The following AKAP13 variants were observed in gnomAD, a reference collection of about 807,000 sequenced individuals.
AKAP13 encodes A-kinase anchoring protein 13.
In AKAP13, 80 loss-of-function variants were observed where a neutral mutation model predicts 264.5. The ratio of observed to expected loss-of-function variants is 0.30; its 90% confidence interval spans 0.25 to 0.36. The LOEUF is 0.36. Among genes scored for constraint, AKAP13 ranks in the 10% least tolerant of loss-of-function variants. The pLI is 1.00. For synonymous variants in AKAP13, 1,380 were observed against 1,250.2 expected (o/e 1.10, Z -2.19); for missense variants, 3,712 against 3,435.2 (o/e 1.08, Z -2.01).
At chr15:85,443,675 C>T (rs1053142135) in intron 1 of AKAP13, among the ~76,000 whole-genome samples, 4 of 151,334 alleles carry the variant, frequency 2.6e-5, no homozygotes, top group African/African-American at 7.3e-5. Flanking sequence ...GTCTTATATG[C>T]GGTTCGTGGT....
chr15:85,710,187 C>A (rs1322596346), intron 18 of AKAP13, among the ~76,000 whole-genome samples: 1 of 152,146 alleles, frequency 6.6e-6, no homozygotes, highest in African/African-American at 2.4e-5. Context: ...TCAAAAGATG[C>A]TGCCCTTAAG....
chr15:85,468,638 C>G (rs1196730481), intron 1 of AKAP13, among the ~76,000 whole-genome samples: 1 of 152,146 alleles, frequency 6.6e-6, no homozygotes, highest in Non-Finnish European at 1.5e-5. Context: ...CAAGTAGTTT[C>G]TAATATGAAC....
intron 29 of AKAP13, among the ~76,000 whole-genome samples, 189 bp from the exon 30 acceptor site, chr15:85,730,324 T>G (rs893834060): frequency 2.6e-5 from 4 of 152,182 alleles, no homozygotes; most frequent in African/African-American, 9.7e-5. Context: ...CCAGAATGGT[T>G]TTCCAGATAG....
chr15:85,654,389 T>G (rs2083002712), intron 10 of AKAP13, among the ~76,000 whole-genome samples: 1 of 152,216 alleles, frequency 6.6e-6, no homozygotes, highest in African/African-American at 2.4e-5. Flanking sequence ...TGTTTTCAGT[T>G]AAAGCTTATA....
At chr15:85,510,729 A>G (rs1032294994) in intron 2 of AKAP13, among the ~76,000 whole-genome samples, 1 of 152,222 alleles carries the variant, frequency 6.6e-6, no homozygotes, top group African/African-American at 2.4e-5. Context: ...GTTATTAACA[A>G]TAGGTGGTTA....
intron 8 of AKAP13, among the ~76,000 whole-genome samples, chr15:85,598,163 T>C (rs1400464974): frequency 6.6e-6 from 1 of 152,184 alleles, no homozygotes; most frequent in Non-Finnish European, 1.5e-5. Context: ...TCAAGGGGCC[T>C]GAAGACAATG....
At chr15:85,537,546 T>A (rs777942522) in intron 4 of AKAP13, among the ~76,000 whole-genome samples, 3 of 152,220 alleles carry the variant, frequency 2.0e-5, no homozygotes, top group Non-Finnish European at 4.4e-5. Flanking sequence ...GAAAAAAATG[T>A]TTATAGGTGC....
chr15:85,747,134 G>T lies in AKAP13; in HGVS notation c.*2457G>T, dbSNP rs772752958. On this transcript the variant is annotated 3_prime_UTR_variant, in exon 37 of 37. Coordinates refer to ENST00000394518, the MANE Select transcript of AKAP13 (RefSeq NM_007200.5). ...CAAGTTTAAAATCAAAGTAGTGCCC[G>T]GAATTCCCTCAAACCACCCAACTTC... 6 of 152,146 alleles carry T rather than the reference G, an allele frequency of 3.9e-5. No homozygotes were observed. Among genetic ancestry groups the T allele is most frequent in the Non-Finnish European group, 8.8e-5 (6 of 68,040 alleles). 9.4% of individuals were successfully genotyped at this position (152,146 alleles called of 1,614,324 possible).
intron 1 of AKAP13, among the ~76,000 whole-genome samples, chr15:85,414,693 A>G (rs111231790): frequency 2.0e-5 from 3 of 152,326 alleles, no homozygotes; most frequent in African/African-American, 7.2e-5. Flanking sequence ...CCTGGTGTGG[A>G]TGCATTTCTA....
intron 12 of AKAP13, chr15:85,662,242 T>G: frequency 1.5e-6 from 1 of 674,862 alleles, no homozygotes; most frequent in South Asian, 1.9e-5. Context: ...TTTTAAAAAT[T>G]GTCAGTGTTA....
intron 17 of AKAP13, among the ~76,000 whole-genome samples, chr15:85,698,708 C>G (rs1242545660): frequency 1.3e-5 from 2 of 151,942 alleles, no homozygotes; most frequent in African/African-American, 4.8e-5. Flanking sequence ...CTTTGGGAGG[C>G]CTAGGCAGGT....
At chr15:85,598,696 G>A (rs2079926967) in intron 8 of AKAP13, among the ~76,000 whole-genome samples, 1 of 152,152 alleles carries the variant, frequency 6.6e-6, no homozygotes, top group Non-Finnish European at 1.5e-5. Flanking sequence ...AAGCTCTATT[G>A]GGAGAAACAA....
intron 6 of AKAP13, among the ~76,000 whole-genome samples, chr15:85,577,553 A>G (rs1469503163): frequency 6.6e-6 from 1 of 152,184 alleles, no homozygotes; most frequent in Non-Finnish European, 1.5e-5. Flanking sequence ...ATAGTTAATA[A>G]TGGCTAGTAT....
At position 85,380,634 on chromosome 15, in the gene AKAP13, C is replaced by T. The variant is rs1449814980; in HGVS notation, c.-176C>T. 2 of 152,128 alleles carry T rather than the reference C, an allele frequency of 1.3e-5. No homozygotes were observed. The highest frequency in any genetic ancestry group is 2.9e-5 in the Non-Finnish European group (2 of 68,020). 9.4% of individuals were successfully genotyped at this position (152,128 alleles called of 1,614,324 possible). A position where few individuals can be genotyped will look rare whatever the true frequency, so the allele number is the denominator to read the frequency against. On this transcript the variant is annotated 5_prime_UTR_variant, in exon 1 of 37. Transcript: ENST00000394518. ...AGGGCCAGCGCGGAGCCCGAGCAGC[C>T]GCGGTGAAGCGCCTGTGCTCTGCCG... is the stretch of plus-strand genomic sequence containing the variant.
intron 12 of AKAP13, among the ~76,000 whole-genome samples, chr15:85,664,241 A>G (rs2083481758): frequency 6.6e-6 from 1 of 152,222 alleles, no homozygotes. Flanking sequence ...TCAAGGAAAA[A>G]ACACATATAT....
intron 5 of AKAP13, among the ~76,000 whole-genome samples, chr15:85,560,042 T>C (rs914952640): frequency 6.8e-6 from 1 of 146,122 alleles, no homozygotes; most frequent in Non-Finnish European, 1.5e-5. Context: ...ATAACTGCAT[T>C]GGAGCCTAAG....
At chr15:85,711,781 G>A (rs1323511439) in intron 19 of AKAP13, among the ~76,000 whole-genome samples, 2 of 152,174 alleles carry the variant, frequency 1.3e-5, no homozygotes, top group Non-Finnish European at 2.9e-5. Flanking sequence ...ACCCTGATCT[G>A]TGAATCACAA....
chr15:85,636,075 A>G (rs897823831), intron 8 of AKAP13, among the ~76,000 whole-genome samples: 5 of 152,194 alleles, frequency 3.3e-5, no homozygotes, highest in African/African-American at 1.2e-4. Context: ...TTAAGTCTGC[A>G]TTAATTTTTC....
intron 1 of AKAP13, among the ~76,000 whole-genome samples, chr15:85,381,015 T>G (rs2083391005): frequency 6.6e-6 from 1 of 151,394 alleles, no homozygotes; most frequent in Admixed American, 6.6e-5. Context: ...ATCGCCCTTC[T>G]CCCGCATTGT....
Sources: gnomAD v4.1 joint callset for allele counts (sites outside exome capture counted in the v4.1 genomes callset) on GRCh38, gnomAD v4.1.1 for gene constraint, MANE v1.5 for transcripts, NCBI Gene and HGNC (gene_info 2026-07-23, HGNC 2026-07-21) for gene names.